The following CYTH3 variants were observed in gnomAD, a reference collection of about 807,000 sequenced individuals.
CYTH3 encodes cytohesin 3.
A neutral mutation model predicts 55.1 loss-of-function variants in CYTH3; 23 were observed. The observed-to-expected ratio is 0.42, with a 90% CI of 0.30 to 0.59. The LOEUF (loss-of-function observed/expected upper bound fraction) is 0.59. CYTH3 is among the 20% of genes least tolerant of loss of function. CYTH3 has a pLI of 0.20. For synonymous variants in CYTH3, 249 were observed against 194.9 expected (o/e 1.28, Z -2.31); for missense variants, 413 against 524.8 (o/e 0.79, Z 2.08).
At chr7:6,222,726 AAC>A (rs1784579530) in intron 1 of CYTH3, among the ~76,000 whole-genome samples, 1 of 151,318 alleles carries the variant, frequency 6.6e-6, no homozygotes, top group Non-Finnish European at 1.5e-5. Flanking sequence ...CAGCCTGGGC[AAC>A]AGAGTGAGAC....
chr7:6,212,227 C>A lies in CYTH3; in HGVS notation c.35-21696G>T, dbSNP rs1035203232. Among the ~76,000 whole-genome samples the A allele has an allele frequency of 2.6e-5, 4 of 152,154 alleles. No individual in the cohort carries two copies. In the South Asian group the frequency reaches 8.3e-4, roughly 32 times the overall value. On this transcript the variant is annotated intron_variant, in intron 1 of 12. Coordinates refer to ENST00000350796, the MANE Select transcript of CYTH3 (RefSeq NM_004227.4). ...GACTCAGCAGTCTTGAACTCCAGGG[C>A]TCATGCAGTCATTCTGCCTTTGCCT...
chr7:6,183,570 C>A (rs1312400211), intron 4 of CYTH3, among the ~76,000 whole-genome samples: 1 of 152,142 alleles, frequency 6.6e-6, no homozygotes, highest in Non-Finnish European at 1.5e-5. Context: ...CACTCTGAGA[C>A]TTAGAAAACA....
In CYTH3 at chr7:6,267,671, G is replaced by C. The variant is rs957036222; in HGVS notation, c.34+4803C>G. ...CTCGAGCAGCTGGGACTACAGGTGC[G>C]CATCACTATGCCCGGCTAATTTTTG... On this transcript the variant is annotated intron_variant, in intron 1 of 12. Coordinates refer to ENST00000350796, the MANE Select transcript of CYTH3 (RefSeq NM_004227.4). Among the ~76,000 whole-genome samples the C allele has an allele frequency of 8.5e-5, 13 of 152,210 alleles. 1 individual carries two copies. In the South Asian group the frequency reaches 1.9e-3, roughly 22 times the overall value.
At chr7:6,269,973 T>TA (rs1243101445) in intron 1 of CYTH3, among the ~76,000 whole-genome samples, 1 of 152,210 alleles carries the variant, frequency 6.6e-6, no homozygotes, top group East Asian at 1.9e-4. Context: ...CTCCCCCAGA[T>TA]ACAGTTCAAC....
intron 1 of CYTH3, among the ~76,000 whole-genome samples, chr7:6,197,006 T>G (rs1783950622): frequency 6.6e-6 from 1 of 152,192 alleles, no homozygotes. Context: ...CTATCTACAG[T>G]TTCTCTCCTC....
At position 6,272,622 on chromosome 7, in the gene CYTH3, C is replaced by G. The variant is rs978522577; in HGVS notation, c.-115G>C. On this transcript the variant is annotated 5_prime_UTR_variant, in exon 1 of 13. Coordinates refer to ENST00000350796, the MANE Select transcript of CYTH3 (RefSeq NM_004227.4). The stretch of plus-strand genomic sequence containing the variant: ...CCGGGCGGCTCCTCAGCGCGCGGCC[C>G]GGGTCGCGGCCGGGCCTCCTCCCGC... 8.0e-6 allele frequency: 6 copies of G among 750,266 alleles called. No individual in the cohort carries two copies. Among genetic ancestry groups the G allele is most frequent in the Non-Finnish European group, 9.9e-6 (6 of 605,842 alleles). The allele number at this position is 750,266 out of a possible 1,614,324, so 46.5% of individuals were successfully genotyped here.
intron 1 of CYTH3, among the ~76,000 whole-genome samples, chr7:6,201,005 C>T (rs574660289): frequency 6.6e-6 from 1 of 152,220 alleles, no homozygotes; most frequent in East Asian, 1.9e-4. Context: ...AAGTAATCCT[C>T]TACTTCGGCC....
chr7:6,251,267 C>T (rs1421754129), intron 1 of CYTH3, among the ~76,000 whole-genome samples: 1 of 151,376 alleles, frequency 6.6e-6, no homozygotes, highest in Admixed American at 6.6e-5. Context: ...AAGAGCGAAA[C>T]ACCGTCTCAA....
intron 2 of CYTH3, 125 bp from the exon 3 acceptor site, chr7:6,187,846 A>C: frequency 1.3e-6 from 1 of 770,388 alleles, no homozygotes; most frequent in Non-Finnish European, 2.3e-6. Flanking sequence ...CAGGGATGGA[A>C]AAACCAATAC....
chr7:6,213,538 G>T (rs1225774767), intron 1 of CYTH3, among the ~76,000 whole-genome samples: 1 of 151,542 alleles, frequency 6.6e-6, no homozygotes, highest in Non-Finnish European at 1.5e-5. Flanking sequence ...ATGGTTTTTT[G>T]TTTGTTTGTT....
intron 5 of CYTH3, 124 bp downstream of exon 5, chr7:6,177,699 G>A (rs754901402): frequency 2.8e-6 from 2 of 716,704 alleles, no homozygotes; most frequent in Non-Finnish European, 4.8e-6. Flanking sequence ...GCATGTGGAT[G>A]CCCACAGCCC....
chr7:6,263,927 T>C (rs974211687), intron 1 of CYTH3, among the ~76,000 whole-genome samples: 7 of 152,114 alleles, frequency 4.6e-5, no homozygotes, highest in African/African-American at 1.7e-4. Flanking sequence ...TTACATACAG[T>C]GTGATCTCGG....
At chr7:6,248,402 G>A (rs1779878485) in intron 1 of CYTH3, among the ~76,000 whole-genome samples, 1 of 152,070 alleles carries the variant, frequency 6.6e-6, no homozygotes, top group Non-Finnish European at 1.5e-5. Flanking sequence ...CATCTTCAAG[G>A]GAACGTCAGC....
chr7:6,261,923 C>T (rs960497670), intron 1 of CYTH3, among the ~76,000 whole-genome samples: 3 of 151,968 alleles, frequency 2.0e-5, no homozygotes, highest in African/African-American at 4.8e-5. Context: ...ATCCAAATAT[C>T]GGAGTTATCA....
intron 1 of CYTH3, among the ~76,000 whole-genome samples, chr7:6,234,034 C>T (rs892105811): frequency 6.6e-6 from 1 of 152,184 alleles, no homozygotes; most frequent in East Asian, 1.9e-4. Flanking sequence ...TACCATCAGG[C>T]CCACCTCCTA....
intron 1 of CYTH3, among the ~76,000 whole-genome samples, chr7:6,214,767 G>T (rs1452570867): frequency 2.0e-5 from 3 of 151,954 alleles, no homozygotes; most frequent in Admixed American, 6.5e-5. Flanking sequence ...GGACACATGC[G>T]ATTGACAAGA....
chr7:6,203,094 T>C (rs955147949), intron 1 of CYTH3, among the ~76,000 whole-genome samples: 3 of 152,108 alleles, frequency 2.0e-5, no homozygotes, highest in Admixed American at 1.3e-4. Context: ...TGTTCAGTTA[T>C]TCACAAAGTC....
chr7:6,189,732 T>A (rs1783750532), intron 2 of CYTH3, among the ~76,000 whole-genome samples: 1 of 152,008 alleles, frequency 6.6e-6, no homozygotes, highest in Non-Finnish European at 1.5e-5. Flanking sequence ...ATGTTCTAGG[T>A]GCTAGAACAT....
At chr7:6,210,532 T>C (rs1470970602) in intron 1 of CYTH3, among the ~76,000 whole-genome samples, 2 of 152,246 alleles carry the variant, frequency 1.3e-5, no homozygotes, top group Non-Finnish European at 2.9e-5. Context: ...TCAAAATCTT[T>C]GGCCTTGAGA....
Sources: allele counts gnomAD v4.1 joint callset (sites outside exome capture counted in the v4.1 genomes callset), GRCh38; gene constraint gnomAD v4.1.1; transcripts MANE v1.5; gene names NCBI Gene and HGNC (gene_info 2026-07-23, HGNC 2026-07-21).